RBM19: variants seen among roughly 807,000 people sequenced by gnomAD.
RBM19 encodes probable RNA-binding protein 19.
A neutral mutation model predicts 116.8 loss-of-function variants in RBM19; 94 were observed. The ratio of observed to expected loss-of-function variants is 0.80; its 90% CI spans 0.68 to 0.95. RBM19 has a LOEUF of 0.95. RBM19 is among the 40% of genes least tolerant of loss of function. The probability of loss-of-function intolerance (pLI) is 0.00; values close to 1 mark genes in which losing one functional copy is unlikely to be tolerated. For synonymous variants in RBM19, 475 were observed against 494.1 expected (o/e 0.96, Z 0.51); for missense variants, 1,161 against 1,220.7 (o/e 0.95, Z 0.73).
rs965474339 is a variant in RBM19, at chr12:113,846,207, T to C, written c.2665-1419A>G. Among the ~76,000 whole-genome samples the C allele has an allele frequency of 4.6e-5, 7 of 152,212 alleles. No individual in the cohort carries two copies. In the South Asian group the frequency reaches 1.0e-3, roughly 23 times the overall value. ...CTAAGAAGGCCCTTTGCTTTGCTTCTGGGTTGCAGAGAGCACCAGTGGGTA... is the reference window on the plus strand; with the variant it reads ...CTAAGAAGGCCCTTTGCTTTGCTTCCGGGTTGCAGAGAGCACCAGTGGGTA... On this transcript the variant is annotated intron_variant, in intron 22 of 23. Coordinates refer to ENST00000261741, the MANE Select transcript of RBM19 (RefSeq NM_016196.4).
Position 113,944,318 on chromosome 12 carries a change from G to A in RBM19, c.1626+1510C>T, listed in dbSNP as rs1236581291. 1.4e-4 allele frequency among the ~76,000 whole-genome samples: 21 copies of A among 151,578 alleles called. No homozygotes were observed. In the East Asian group the frequency reaches 1.9e-3, roughly 14 times the overall value. ...TCTCCATGTTGGCCAGGCTGGTCTCGAACTCCTGACCTCTAGTGATCCACC... is the reference window on the plus strand; with the variant it reads ...TCTCCATGTTGGCCAGGCTGGTCTCAAACTCCTGACCTCTAGTGATCCACC... On this transcript the variant is annotated intron_variant, in intron 13 of 23. Transcript: ENST00000261741.
At chr12:113,896,881 G>A (rs573221593) in intron 21 of RBM19, among the ~76,000 whole-genome samples, 6 of 152,336 alleles carry the variant, frequency 3.9e-5, no homozygotes, top group East Asian at 1.9e-4. Flanking sequence ...CTCCTAGGCC[G>A]AAAGAAATAC....
At chr12:113,836,569 C>G (rs374710615) in intron 23 of RBM19, among the ~76,000 whole-genome samples, 1 of 151,956 alleles carries the variant, frequency 6.6e-6, no homozygotes. Flanking sequence ...GCAGAGAGCT[C>G]GAGTCTGGGC....
chr12:113,860,639 T>C (rs4767150), intron 21 of RBM19, among the ~76,000 whole-genome samples: 62,584 of 152,036 alleles, frequency 0.41, 13,661 homozygotes, highest in East Asian at 0.83. Context: ...CTGGTTCCTC[T>C]GTCCGTGCCT....
intron 23 of RBM19, among the ~76,000 whole-genome samples, chr12:113,835,409 G>A (rs75477778): frequency 0.057 from 8,722 of 152,270 alleles, 314 homozygotes; most frequent in Middle Eastern, 0.13. Flanking sequence ...AATTGCACAC[G>A]TGAGCACCTG....
At chr12:113,879,721 T>C (rs1593525090) in intron 21 of RBM19, among the ~76,000 whole-genome samples, 1 of 152,074 alleles carries the variant, frequency 6.6e-6, no homozygotes, top group African/African-American at 2.4e-5. Context: ...CCTTCCTCCC[T>C]AGGCTGCTGG....
intron 6 of RBM19, among the ~76,000 whole-genome samples, chr12:113,956,581 A>C (rs1286488119): frequency 6.6e-5 from 10 of 150,620 alleles, no homozygotes; most frequent in African/African-American, 2.4e-4. Context: ...TGTCTCAAAA[A>C]AAAAAAAAAA....
intron 21 of RBM19, among the ~76,000 whole-genome samples, chr12:113,910,360 C>T (rs1882352040): frequency 6.6e-6 from 1 of 152,248 alleles, no homozygotes; most frequent in Non-Finnish European, 1.5e-5. Context: ...GATTCTTCTA[C>T]TGGTTCACAG....
chr12:113,913,968 G>A (rs1040731056), intron 21 of RBM19, among the ~76,000 whole-genome samples: 1 of 152,178 alleles, frequency 6.6e-6, no homozygotes, highest in Non-Finnish European at 1.5e-5. Flanking sequence ...GGGTGGGGGG[G>A]CCTTGGCTTC....
chr12:113,858,437 G>T (rs181859802), intron 22 of RBM19, among the ~76,000 whole-genome samples: 3 of 152,260 alleles, frequency 2.0e-5, no homozygotes, highest in East Asian at 3.9e-4. Context: ...ACTGTTCTGC[G>T]TGGCATTTCC....
At chr12:113,881,051 C>G (rs1880082177) in intron 21 of RBM19, among the ~76,000 whole-genome samples, 1 of 152,212 alleles carries the variant, frequency 6.6e-6, no homozygotes, top group Non-Finnish European at 1.5e-5. Context: ...ATCATCCCCT[C>G]AATTTGCTTC....
chr12:113,867,565 CT>C (rs1593506536), intron 21 of RBM19, among the ~76,000 whole-genome samples: 1 of 152,180 alleles, frequency 6.6e-6, no homozygotes, highest in African/African-American at 2.4e-5. Flanking sequence ...CAGTTTAAAA[CT>C]GATAAATAAT....
intron 23 of RBM19, among the ~76,000 whole-genome samples, chr12:113,831,621 G>A (rs1875420755): frequency 1.3e-5 from 2 of 152,238 alleles, no homozygotes. Context: ...GTTAGCCCTA[G>A]CAGGGATTCC....
intron 21 of RBM19, among the ~76,000 whole-genome samples, chr12:113,868,018 C>A (rs1056112118): frequency 1.3e-5 from 2 of 152,152 alleles, no homozygotes; most frequent in African/African-American, 4.8e-5. Context: ...TCTCCTGTTC[C>A]ATCGCAGGCA....
At chr12:113,840,832 G>A (rs1876401841) in intron 23 of RBM19, among the ~76,000 whole-genome samples, 5 of 152,162 alleles carry the variant, frequency 3.3e-5, no homozygotes, top group Non-Finnish European at 2.9e-5. Flanking sequence ...CCCCTGGGGT[G>A]GTTAAGAGCT....
rs979090724 is a variant in RBM19, at chr12:113,889,471, G to A, written c.2558+25498C>T. Among the ~76,000 whole-genome samples the A allele has an allele frequency of 1.1e-4, 17 of 152,202 alleles. No homozygotes were observed. In the Middle Eastern group the frequency reaches 0.024, roughly 213 times the overall value. On this transcript the variant is annotated intron_variant, in intron 21 of 23. Coordinates refer to ENST00000261741, the MANE Select transcript of RBM19 (RefSeq NM_016196.4). ...GAGTCAATCTGGGGAAATTTTGGGG[G>A]TAGCAAACAAAAATGACACATGGTC...
At chr12:113,952,746 T>C (rs1225658945) in intron 7 of RBM19, among the ~76,000 whole-genome samples, 156 bp from the exon 8 acceptor site, 3 of 152,190 alleles carry the variant, frequency 2.0e-5, no homozygotes, top group Non-Finnish European at 4.4e-5. Flanking sequence ...CCAATTACCT[T>C]GGAGAAAATG....
At chr12:113,904,337 C>A (rs1027294547) in intron 21 of RBM19, among the ~76,000 whole-genome samples, 1 of 152,214 alleles carries the variant, frequency 6.6e-6, no homozygotes, top group South Asian at 2.1e-4. Context: ...AAAAAAAACT[C>A]TTTCCCTTGA....
rs377121840 is a variant in RBM19 at position 113,952,493 on chromosome 12, G to A, written c.1000+19C>T. The A allele has an allele frequency of 3.3e-5, 53 of 1,604,874 alleles. 1 individual carries two copies. In the East Asian group the frequency reaches 7.4e-4, roughly 22 times the overall value. ...CACTGTCTACCCGCCTTCCCACCTG[G>A]AAACATCCTGGATCTTACCTGTTTT... On this transcript the variant is annotated intron_variant, in intron 8 of 23. Transcript: ENST00000261741.
Sources: gnomAD v4.1 joint callset for allele counts (sites outside exome capture counted in the v4.1 genomes callset) on GRCh38, gnomAD v4.1.1 for gene constraint, MANE v1.5 for transcripts, NCBI Gene and HGNC (gene_info 2026-07-23, HGNC 2026-07-21) for gene names.